The following PPARG variants were observed in gnomAD, a reference collection of about 807,000 sequenced individuals.
PPARG encodes the protein peroxisome proliferator activated receptor gamma, also known as peroxisome proliferator-activated receptor gamma.
A neutral mutation model predicts 39.2 loss-of-function variants in PPARG; 17 were observed. The ratio of observed to expected loss-of-function variants is 0.43; its 90% CI spans 0.30 to 0.65. PPARG has a LOEUF of 0.65. Ranked by LOEUF, PPARG falls within the 30% of genes least tolerant of loss-of-function variation. The pLI is 0.13. For synonymous variants in PPARG, 223 were observed against 215.7 expected (o/e 1.03, Z -0.30); for missense variants, 406 against 585.9 (o/e 0.69, Z 3.17).
At chr3:12,380,351 C>A (rs548621641) in intron 3 of PPARG, among the ~76,000 whole-genome samples, 18 of 152,264 alleles carry the variant, frequency 1.2e-4, no homozygotes, top group African/African-American at 4.1e-4. Flanking sequence ...TACTACAGTA[C>A]ATTTTTTCTA....
chr3:12,307,212 G>A (rs999435357), intron 1 of PPARG, among the ~76,000 whole-genome samples: 1 of 149,662 alleles, frequency 6.7e-6, no homozygotes, highest in Non-Finnish European at 1.5e-5. Flanking sequence ...AGGATACAGA[G>A]GTCAATTGAA....
At chr3:12,328,087 A>G in intron 2 of PPARG, 7 of 1,469,886 alleles carry the variant, frequency 4.8e-6, no homozygotes, top group Non-Finnish European at 6.7e-6. Flanking sequence ...TGAGACTAAC[A>G]TGTATGAAGG....
At chr3:12,314,696 A>G (rs186039715) in intron 2 of PPARG, among the ~76,000 whole-genome samples, 117 of 152,330 alleles carry the variant, frequency 7.7e-4, no homozygotes, top group African/African-American at 2.7e-3. Flanking sequence ...TTGCATGACA[A>G]TTAAATGCAA....
intron 4 of PPARG, among the ~76,000 whole-genome samples, chr3:12,382,812 T>A (rs1041726438): frequency 2.6e-5 from 4 of 151,946 alleles, no homozygotes; most frequent in Non-Finnish European, 4.4e-5. Context: ...CCTACAAAAT[T>A]TTTAAAAAAT....
Position 12,416,954 on chromosome 3 carries a change from T to C in PPARG, c.980T>C (p.Met327Thr). 2 of 1,614,060 alleles carry C rather than the reference T, an allele frequency of 1.2e-6. No individual in the cohort carries two copies. The highest frequency in any genetic ancestry group is 1.7e-6 in the Non-Finnish European group (2 of 1,180,004). Residue 327 changes from methionine (M) to threonine (T), a missense_variant, in exon 7 of 8, where the codon ATG becomes ACG. Transcript: ENST00000651735. ...KYGVHEIIYT[M>T]LASLMNKDGV... ...GGAGTCCACGAGATCATTTACACAATGCTGGCCTCCTTGATGAATAAAGAT... is the reference window on the plus strand; with the variant it reads ...GGAGTCCACGAGATCATTTACACAACGCTGGCCTCCTTGATGAATAAAGAT...
At chr3:12,354,071 T>C (rs1298995906) in intron 2 of PPARG, among the ~76,000 whole-genome samples, 1 of 152,154 alleles carries the variant, frequency 6.6e-6, no homozygotes, top group African/African-American at 2.4e-5. Context: ...TCTCCTGAGA[T>C]AGGAGTGAGT....
chr3:12,381,532 T>C (rs1421345493), intron 4 of PPARG, 41 bp downstream of exon 4: 1 of 1,592,972 alleles, frequency 6.3e-7, no homozygotes, highest in East Asian at 2.2e-5. Context: ...GTTGAAACTT[T>C]ATTATTTCAT....
intron 2 of PPARG, among the ~76,000 whole-genome samples, chr3:12,332,545 G>A (rs1442531864): frequency 1.3e-5 from 2 of 152,154 alleles, no homozygotes; most frequent in African/African-American, 2.4e-5. Context: ...CAGTTATATG[G>A]CATTTGTTTT....
At chr3:12,313,558 A>G (rs1051688966) in intron 2 of PPARG, among the ~76,000 whole-genome samples, 1 of 152,192 alleles carries the variant, frequency 6.6e-6, no homozygotes, top group South Asian at 2.1e-4. Context: ...AAAATTCAAA[A>G]TCCGAGATAT....
chr3:12,317,382 G>A (rs749294806), intron 2 of PPARG, among the ~76,000 whole-genome samples: 1 of 152,050 alleles, frequency 6.6e-6, no homozygotes, highest in African/African-American at 2.4e-5. Flanking sequence ...CTATTCTTCT[G>A]TAGTTTCTTC....
intron 2 of PPARG, among the ~76,000 whole-genome samples, chr3:12,343,414 G>A (rs567380369): frequency 3.9e-5 from 6 of 152,084 alleles, no homozygotes; most frequent in African/African-American, 2.4e-5. Context: ...AATATCTTTC[G>A]CACTCCATTG....
rs758686053 is a variant in PPARG at position 12,392,606 on chromosome 3, C to CT, written c.391-5dup. On this transcript the variant is annotated splice_region_variant and splice_polypyrimidine_tract_variant and intron_variant, in intron 4 of 7. Coordinates refer to ENST00000651735, the MANE Select transcript of PPARG (RefSeq NM_138711.6). ...CTTAAAATTTGCTTCTTTTTTATCC[C>CT]TTTGCAGGGTTTCTTCCGGAGAACA... 2.5e-6 allele frequency: 4 copies of CT among 1,613,524 alleles called. No individual in the cohort carries two copies. The highest frequency in any genetic ancestry group is 3.4e-6 in the Non-Finnish European group (4 of 1,179,748).
chr3:12,371,475 A>G (rs2049212385), intron 2 of PPARG, among the ~76,000 whole-genome samples: 1 of 152,228 alleles, frequency 6.6e-6, no homozygotes, highest in Non-Finnish European at 1.5e-5. Flanking sequence ...CTTTTGTTAG[A>G]AACAAATTCT....
intron 2 of PPARG, among the ~76,000 whole-genome samples, chr3:12,350,394 A>G (rs974225891): frequency 6.6e-6 from 1 of 152,218 alleles, no homozygotes; most frequent in African/African-American, 2.4e-5. Flanking sequence ...AGTCCCCTTG[A>G]AGAATGAATA....
rs778203686 is a variant in PPARG, at chr3:12,381,389, T to C, written c.288T>C (p.Pro96=). The C allele has an allele frequency of 6.2e-7, 1 of 1,613,352 alleles. No individual in the cohort carries two copies. Among genetic ancestry groups the C allele is most frequent in the African/African-American group, 1.3e-5 (1 of 74,896 alleles). ...AGAAGACTCAGCTCTACAATAAGCC[T>C]CATGAAGAGCCTTCCAACTCCCTCA... ...YSEKTQLYNK[P]HEEPSNSLMA... Residue 96 remains proline (P), a synonymous_variant, in exon 4 of 8, where the codon CCT becomes CCC. Transcript: ENST00000651735.
At position 12,296,254 on chromosome 3, in the gene PPARG, CAAAAAAAAAAAAA is replaced by C. The variant is rs545210244; in HGVS notation, c.-83+7133_-83+7145del. Among the ~76,000 whole-genome samples, 80 of 48,658 alleles carry C rather than the reference CAAAAAAAAAAAAA, an allele frequency of 1.6e-3. 1 individual carries two copies. The East Asian group carries it at 0.037, about 23-fold the overall frequency. 31.9% of individuals were successfully genotyped at this position (48,658 alleles called of 152,430 possible). A position where few individuals can be genotyped will look rare whatever the true frequency, so the allele number is the denominator to read the frequency against. ...TGGGCAACAGAGCAACACTTTGTCT[CAAAAAAAAAAAAA>C]AAAAAAAAAAAAGAATAAAGAATTA... On this transcript the variant is annotated intron_variant, in intron 1 of 7. Coordinates refer to ENST00000651735, the MANE Select transcript of PPARG (RefSeq NM_138711.6).
At chr3:12,294,646 G>A (rs577299187) in intron 1 of PPARG, among the ~76,000 whole-genome samples, 2 of 152,260 alleles carry the variant, frequency 1.3e-5, no homozygotes, top group Non-Finnish European at 2.9e-5. Flanking sequence ...TGTAATCCCA[G>A]CACTTTGGGA....
chr3:12,370,766 GT>G (rs1232522122), intron 2 of PPARG, among the ~76,000 whole-genome samples: 1 of 151,812 alleles, frequency 6.6e-6, no homozygotes, highest in Non-Finnish European at 1.5e-5. Context: ...GATTTTTTTT[GT>G]TTTGTTTTTA....
intron 2 of PPARG, among the ~76,000 whole-genome samples, chr3:12,323,853 A>G (rs959046351): frequency 1.3e-5 from 2 of 152,190 alleles, no homozygotes; most frequent in Non-Finnish European, 2.9e-5. Flanking sequence ...TTCAGCATTT[A>G]GAAGGTAATA....
Sources: allele counts gnomAD v4.1 joint callset (sites outside exome capture counted in the v4.1 genomes callset), GRCh38; gene constraint gnomAD v4.1.1; transcripts MANE v1.5; gene names NCBI Gene and HGNC (gene_info 2026-07-23, HGNC 2026-07-21).